The following PPP2R2D variants were observed in gnomAD, a reference collection of about 807,000 sequenced individuals.
PPP2R2D encodes the protein protein phosphatase 2 regulatory subunit Bdelta, also known as serine/threonine-protein phosphatase 2A 55 kDa regulatory subunit B delta isoform.
A neutral mutation model predicts 31.1 loss-of-function variants in PPP2R2D; 9 were observed. That is an observed-to-expected ratio of 0.29 (90% CI 0.17 to 0.51). PPP2R2D has a LOEUF of 0.51. PPP2R2D is among the 20% of genes least tolerant of loss of function. PPP2R2D has a pLI of 0.98. For missense variants in PPP2R2D, 391 were observed against 465.6 expected (o/e 0.84, Z 1.48); for synonymous variants, 179 against 172.6 (o/e 1.04, Z -0.29).
intron 7 of PPP2R2D, among the ~76,000 whole-genome samples, chr10:131,946,753 A>G (rs2036549489): frequency 6.6e-6 from 1 of 152,178 alleles, no homozygotes; most frequent in Non-Finnish European, 1.5e-5. Context: ...GAAAAAAGAG[A>G]AAAAACCTAA....
At chr10:131,948,277 T>C (rs192709298) in intron 8 of PPP2R2D, among the ~76,000 whole-genome samples, 3 of 152,346 alleles carry the variant, frequency 2.0e-5, no homozygotes, top group East Asian at 1.9e-4. Flanking sequence ...ATGGTTCTAG[T>C]ACCTTGATAA....
chr10:131,963,956 A>G (rs527433210), downstream of PPP2R2D, among the ~76,000 whole-genome samples: 1 of 152,232 alleles, frequency 6.6e-6, no homozygotes, highest in East Asian at 1.9e-4. Flanking sequence ...GGGCCCTCCC[A>G]AAGCGCCCAC....
intron 2 of PPP2R2D, among the ~76,000 whole-genome samples, chr10:131,916,138 C>A (rs1404750904): frequency 6.6e-6 from 1 of 152,152 alleles, no homozygotes; most frequent in Non-Finnish European, 1.5e-5. Context: ...GTAGATGGAA[C>A]CTTTCTCTGG....
chr10:131,963,614 C>T (rs781803467), downstream of PPP2R2D, among the ~76,000 whole-genome samples: 11 of 152,248 alleles, frequency 7.2e-5, no homozygotes, highest in Non-Finnish European at 1.3e-4. Flanking sequence ...CATTGCCACA[C>T]GTCGGACGCG....
rs868941767 is a variant in PPP2R2D at position 131,921,284 on chromosome 10, C to T, written c.101-13174C>T. On this transcript the variant is annotated intron_variant, in intron 2 of 8. Coordinates refer to ENST00000455566, the MANE Select transcript of PPP2R2D (RefSeq NM_018461.5). ...GCTTTGCTGACGTGCAGGGAGTGAC[C>T]GGGGGAATGTCCCAGCCTCACTTTG... Among the ~76,000 whole-genome samples the T allele has an allele frequency of 3.7e-4, 57 of 152,226 alleles. No individual in the cohort carries two copies. In the East Asian group the frequency reaches 5.8e-3, roughly 15 times the overall value.
chr10:131,919,003 G>A lies in PPP2R2D; in HGVS notation c.101-15455G>A, dbSNP rs2035898000. ...CAGTGTTTGTAGGGACCTCAGGCGG[G>A]TGGAATGACACAGTGTTTGTAGGGA... On this transcript the variant is annotated intron_variant, in intron 2 of 8. Transcript: ENST00000455566. Among the ~76,000 whole-genome samples, 4 of 143,828 alleles carry A rather than the reference G, an allele frequency of 2.8e-5. 1 individual carries two copies. Among genetic ancestry groups the A allele is most frequent in the Admixed American group, 2.8e-4 (4 of 14,494 alleles). The allele number at this position is 143,828 out of a possible 152,430, so 94.4% of individuals were successfully genotyped here. A position where few individuals can be genotyped will look rare whatever the true frequency, so the allele number is the denominator to read the frequency against.
At chr10:131,963,406 G>C (rs1284603500), downstream of PPP2R2D, among the ~76,000 whole-genome samples, 4 of 152,220 alleles carry the variant, frequency 2.6e-5, no homozygotes, top group Non-Finnish European at 5.9e-5. Context: ...TGGCCCCCTG[G>C]ATCATTTTGG....
intron 2 of PPP2R2D, among the ~76,000 whole-genome samples, chr10:131,907,512 G>A (rs1294282738): frequency 2.0e-5 from 3 of 152,192 alleles, no homozygotes; most frequent in East Asian, 1.9e-4. Flanking sequence ...AGGCCGAGGC[G>A]GGCGGATCAC....
chr10:131,935,555 A>T (rs2036323559), intron 3 of PPP2R2D, among the ~76,000 whole-genome samples: 3 of 152,316 alleles, frequency 2.0e-5, no homozygotes, highest in Middle Eastern at 6.8e-3. Flanking sequence ...ACAGGTGCTA[A>T]CCAATTTCAT....
At chr10:131,916,629 A>C (rs1463799247) in intron 2 of PPP2R2D, among the ~76,000 whole-genome samples, 1 of 151,964 alleles carries the variant, frequency 6.6e-6, no homozygotes, top group African/African-American at 2.4e-5. Context: ...GGAATGACAC[A>C]GCGTTTGTAG....
chr10:131,939,868 C>CTTT, intron 3 of PPP2R2D, 163 bp from the exon 4 acceptor site: 2 of 328,416 alleles, frequency 6.1e-6, no homozygotes, highest in Non-Finnish European at 5.4e-6. Flanking sequence ...CAAGTTCGTT[C>CTTT]TTTTTTTTTT....
intron 7 of PPP2R2D, among the ~76,000 whole-genome samples, chr10:131,946,089 G>A (rs2036534768): frequency 1.3e-5 from 2 of 152,116 alleles, no homozygotes; most frequent in Admixed American, 1.3e-4. Flanking sequence ...GTGAGACCTG[G>A]GCTGAGGCCG....
intron 2 of PPP2R2D, among the ~76,000 whole-genome samples, chr10:131,905,178 C>A (rs1012178032): frequency 0.094 from 14,300 of 152,144 alleles, 822 homozygotes; most frequent in Non-Finnish European, 0.13. Context: ...CATCTCCTCC[C>A]TTTGCTGGAA....
intron 2 of PPP2R2D, among the ~76,000 whole-genome samples, chr10:131,907,795 C>G (rs1327436669): frequency 2.0e-5 from 3 of 151,856 alleles, no homozygotes; most frequent in African/African-American, 7.3e-5. Flanking sequence ...ACAGCCACAT[C>G]TTAACGCTCA....
chr10:131,905,903 A>G (rs943873982), intron 2 of PPP2R2D, among the ~76,000 whole-genome samples: 4 of 152,246 alleles, frequency 2.6e-5, no homozygotes, highest in Non-Finnish European at 5.9e-5. Context: ...TGAAAATCTT[A>G]CTACCAAGAG....
chr10:131,949,191 A>G (rs1260755900), intron 8 of PPP2R2D, among the ~76,000 whole-genome samples: 3 of 152,176 alleles, frequency 2.0e-5, no homozygotes, highest in Non-Finnish European at 2.9e-5. Flanking sequence ...AGCTGGCAGC[A>G]TGAGCCTCTC....
chr10:131,921,364 T>C (rs1047727084), intron 2 of PPP2R2D, among the ~76,000 whole-genome samples: 5 of 152,038 alleles, frequency 3.3e-5, no homozygotes, highest in Admixed American at 3.3e-4. Context: ...GCACCCAGGG[T>C]CCTAAGGCTT....
At chr10:131,967,916 T>C in the PPP2R2D span, 3 of 152,286 alleles carry the variant, frequency 2.0e-5, no homozygotes, top group Admixed American at 2.0e-4. Context: ...TAATTCCTTA[T>C]AATGCAAAAG....
Position 131,938,477 on chromosome 10 carries a change from G to A in PPP2R2D, c.199-1554G>A, listed in dbSNP as rs570342577. Among the ~76,000 whole-genome samples, 6 of 152,274 alleles carry A rather than the reference G, an allele frequency of 3.9e-5. No individual in the cohort carries two copies. The East Asian group carries it at 9.6e-4, about 24-fold the overall frequency. Reference sequence around the variant, plus strand: ...CCCAGAGGTTATCCCTTCATCAAAGGAAGGAGAATGCTCGGGATACAGATG... The same window carrying A: ...CCCAGAGGTTATCCCTTCATCAAAGAAAGGAGAATGCTCGGGATACAGATG... On this transcript the variant is annotated intron_variant, in intron 3 of 8. Coordinates refer to ENST00000455566, the MANE Select transcript of PPP2R2D (RefSeq NM_018461.5).
Sources: gnomAD v4.1 joint callset for allele counts (sites outside exome capture counted in the v4.1 genomes callset) on GRCh38, gnomAD v4.1.1 for gene constraint, MANE v1.5 for transcripts, NCBI Gene and HGNC (gene_info 2026-07-23, HGNC 2026-07-21) for gene names.